ARPP21: variants seen among roughly 807,000 people sequenced by gnomAD.
ARPP21 encodes the protein cAMP regulated phosphoprotein 21.
In ARPP21, 69 loss-of-function variants were observed where a neutral mutation model predicts 113.2. The ratio of observed to expected loss-of-function variants is 0.61; its 90% CI spans 0.50 to 0.74. The LOEUF (loss-of-function observed/expected upper bound fraction) is 0.74, where lower values mean the gene tolerates loss of function less well. Ranked by LOEUF, ARPP21 falls within the 30% of genes least tolerant of loss-of-function variation. The pLI is 0.00. For synonymous variants in ARPP21, 368 were observed against 375.5 expected (o/e 0.98, Z 0.23); for missense variants, 1,070 against 1,037.4 (o/e 1.03, Z -0.43).
intron 1 of ARPP21, among the ~76,000 whole-genome samples, chr3:35,659,015 CTT>C (rs1291535394): frequency 6.6e-6 from 1 of 152,146 alleles, no homozygotes; most frequent in East Asian, 1.9e-4. Context: ...ATGATAAAGT[CTT>C]TGAATTTCAC....
chr3:35,711,651 G>C (rs1454553970), intron 11 of ARPP21, among the ~76,000 whole-genome samples: 1 of 152,084 alleles, frequency 6.6e-6, no homozygotes, highest in Non-Finnish European at 1.5e-5. Flanking sequence ...CTGTCAACTG[G>C]GGCTGCAGTC....
At chr3:35,643,140 A>G (rs1698788169) in intron 1 of ARPP21, among the ~76,000 whole-genome samples, 1 of 152,138 alleles carries the variant, frequency 6.6e-6, no homozygotes, top group East Asian at 1.9e-4. Context: ...TTTCATATTA[A>G]CAACATACTA....
At chr3:35,733,388 C>A (rs573872172) in intron 15 of ARPP21, among the ~76,000 whole-genome samples, 1 of 152,118 alleles carries the variant, frequency 6.6e-6, no homozygotes, top group South Asian at 2.1e-4. Flanking sequence ...CTTTTCTCTG[C>A]GCCTGCTCTG....
intron 19 of ARPP21, among the ~76,000 whole-genome samples, chr3:35,779,837 T>C (rs2151703644): frequency 6.6e-6 from 1 of 152,286 alleles, no homozygotes; most frequent in Non-Finnish European, 1.5e-5. Flanking sequence ...TTTCCCTCCC[T>C]TTTCTCACTC....
chr3:35,756,360 T>C (rs148486046), intron 19 of ARPP21, among the ~76,000 whole-genome samples: 8 of 152,226 alleles, frequency 5.3e-5, no homozygotes, highest in Non-Finnish European at 7.4e-5. Context: ...GGTTCAGTAG[T>C]TATAGTATGA....
chr3:35,713,680 C>T (rs1321006526), intron 11 of ARPP21, among the ~76,000 whole-genome samples: 1 of 152,180 alleles, frequency 6.6e-6, no homozygotes, highest in Non-Finnish European at 1.5e-5. Context: ...AAGTGTGAGC[C>T]ACCACTTTGG....
intron 19 of ARPP21, among the ~76,000 whole-genome samples, chr3:35,761,746 G>C (rs892513389): frequency 6.6e-6 from 1 of 152,098 alleles, no homozygotes; most frequent in Non-Finnish European, 1.5e-5. Flanking sequence ...TAGCACCTCA[G>C]TCACCAGTCA....
intron 14 of ARPP21, among the ~76,000 whole-genome samples, chr3:35,727,357 C>G (rs1031761868): frequency 6.6e-6 from 1 of 152,232 alleles, no homozygotes; most frequent in Non-Finnish European, 1.5e-5. Context: ...TACCTAACTT[C>G]CTTTTACTTC....
chr3:35,691,422 T>C (rs2082202179), intron 9 of ARPP21, among the ~76,000 whole-genome samples: 1 of 151,662 alleles, frequency 6.6e-6, no homozygotes, highest in Non-Finnish European at 1.5e-5. Context: ...TATCTTATTG[T>C]AGTTTCTGGA....
At chr3:35,684,697 AT>A in intron 5 of ARPP21, 1 of 985,002 alleles carries the variant, frequency 1.0e-6, no homozygotes, top group Non-Finnish European at 1.2e-6. Context: ...TCTTACTTTA[AT>A]TGAAATACTC....
At chr3:35,740,945 A>G (rs901011875) in intron 18 of ARPP21, among the ~76,000 whole-genome samples, 1 of 151,958 alleles carries the variant, frequency 6.6e-6, no homozygotes, top group Non-Finnish European at 1.5e-5. Context: ...AAAGAATTAA[A>G]AAAAAAAATA....
chr3:35,639,824 A>T lies in ARPP21; in HGVS notation c.-787A>T, dbSNP rs966315178. 2 of 152,724 alleles carry T rather than the reference A, an allele frequency of 1.3e-5. No individual in the cohort carries two copies. The highest frequency in any genetic ancestry group is 2.4e-5 in the African/African-American group (1 of 41,466). 9.5% of individuals were successfully genotyped at this position (152,724 alleles called of 1,614,324 possible). ...CAGAAGACCGGAAGAGGGACGCTGC[A>T]TTGCTGGTGGGACGGAGGGATTCGG... On this transcript the variant is annotated 5_prime_UTR_variant, in exon 1 of 21. Transcript: ENST00000684406. This position sits in a 1 kb window ranked among gnomAD's most constrained non-coding sequence, Gnocchi z 5.0.
chr3:35,687,667 C>A, intron 5 of ARPP21, 72 bp from the exon 6 acceptor site: 2 of 1,398,226 alleles, frequency 1.4e-6, no homozygotes, highest in Non-Finnish European at 2.0e-6. Context: ...ACTTTATAAC[C>A]TCTATGCAAA....
At chr3:35,785,484 A>G (rs891774358) in intron 19 of ARPP21, among the ~76,000 whole-genome samples, 11 of 151,428 alleles carry the variant, frequency 7.3e-5, no homozygotes, top group Middle Eastern at 6.8e-3. Context: ...GTCATTTAAC[A>G]ATGTGTCTCA....
intron 15 of ARPP21, among the ~76,000 whole-genome samples, chr3:35,732,776 C>G (rs1045430836): frequency 6.6e-6 from 1 of 152,136 alleles, no homozygotes; most frequent in Non-Finnish European, 1.5e-5. Context: ...CTTTGAGGAG[C>G]CTTTTAGAGC....
chr3:35,658,449 T>C (rs1706058322), intron 1 of ARPP21, among the ~76,000 whole-genome samples: 1 of 152,066 alleles, frequency 6.6e-6, no homozygotes, highest in East Asian at 1.9e-4. Context: ...TGAGTTAAGA[T>C]ATCTGTATTT....
intron 11 of ARPP21, 117 bp from the exon 12 acceptor site, chr3:35,715,322 A>G (rs879013683): frequency 1.9e-5 from 15 of 785,486 alleles, no homozygotes; most frequent in South Asian, 9.4e-5. Context: ...TTTTGTACCT[A>G]TTTTTCTTAA....
intron 19 of ARPP21, among the ~76,000 whole-genome samples, chr3:35,765,596 G>A (rs1240527073): frequency 3.3e-5 from 5 of 152,084 alleles, no homozygotes; most frequent in Admixed American, 2.6e-4. Flanking sequence ...TCCAAACAAA[G>A]AGGTGACATG....
intron 13 of ARPP21, 152 bp downstream of exon 13, chr3:35,717,509 G>A (rs1277974641): frequency 3.0e-5 from 17 of 560,942 alleles, no homozygotes; most frequent in Non-Finnish European, 4.8e-5. Flanking sequence ...TAGCGTGGAA[G>A]TCATATTGGG....
Sources: allele counts gnomAD v4.1 joint callset (sites outside exome capture counted in the v4.1 genomes callset), GRCh38; gene constraint gnomAD v4.1.1; non-coding constraint Gnocchi (gnomAD v3.1); transcripts MANE v1.5; gene names NCBI Gene and HGNC (gene_info 2026-07-23, HGNC 2026-07-21).